Variants in MAP3K20 observed in about 807,000 individuals in gnomAD.
MAP3K20 encodes the protein HCCS-4.
Under a neutral mutation model 85.7 loss-of-function variants are expected in MAP3K20, and 40 were observed. The ratio of observed to expected loss-of-function variants is 0.47; its 90% confidence interval spans 0.36 to 0.61. The LOEUF is 0.61. MAP3K20 is among the 20% of genes least tolerant of loss of function. The pLI is 0.00. For missense variants in MAP3K20, 817 were observed against 961.7 expected, an observed-to-expected ratio of 0.85 and a Z score of 1.99; for synonymous variants, 325 against 327.7, an observed-to-expected ratio of 0.99 and a Z score of 0.09.
In MAP3K20 at chr2:173,209,396, A is replaced by T. The variant is rs57152825; in HGVS notation, c.745-333A>T. Among the ~76,000 whole-genome samples the T allele has an allele frequency of 9.0e-3, 1,368 of 152,332 alleles. 22 individuals are homozygous for T. The highest frequency in any genetic ancestry group is 0.029 in the African/African-American group (1,216 of 41,556). On this transcript the variant is annotated intron_variant, in intron 9 of 19. Coordinates refer to ENST00000375213, the MANE Select transcript of MAP3K20 (RefSeq NM_016653.3). ...CTGGCTTTATCACGGAGATTTTTAA[A>T]GGACTTCACTGTTTCCTTTTAGGAG...
At chr2:173,076,475 C>G (rs879031712) in intron 1 of MAP3K20, among the ~76,000 whole-genome samples, 1 of 152,176 alleles carries the variant, frequency 6.6e-6, no homozygotes, top group Admixed American at 6.5e-5. Context: ...CAGGCCACTT[C>G]CCAGCACTCG....
chr2:173,259,193 G>C (rs546317928), intron 17 of MAP3K20, among the ~76,000 whole-genome samples: 2 of 152,056 alleles, frequency 1.3e-5, no homozygotes, highest in African/African-American at 4.8e-5. Flanking sequence ...GACTTTCTTG[G>C]TTGAGGTCAA....
At chr2:173,196,976 A>G (rs1248907134) in intron 7 of MAP3K20, among the ~76,000 whole-genome samples, 1 of 151,930 alleles carries the variant, frequency 6.6e-6, no homozygotes, top group African/African-American at 2.4e-5. Context: ...TTAACTTTTT[A>G]AATAGTTACC....
chr2:173,091,044 G>C lies in MAP3K20; in HGVS notation c.13G>C (p.Gly5Arg). The change falls in exon 2 of 20, where the codon GGT becomes CGT. Residue 5 changes from glycine (G) to arginine (R), a missense_variant. By Grantham distance (125) the Gly-to-Arg change is moderately radical. Transcript: ENST00000375213. The part of the protein sequence containing the change: MSSL[G>R]ASFVQIKFDD... ...TTGTCATTATGAGATGTCGTCTCTCGGTGCCTCCTTTGTGCAAATTAAATT... is the reference window on the plus strand; with the variant it reads ...TTGTCATTATGAGATGTCGTCTCTCCGTGCCTCCTTTGTGCAAATTAAATT... The C allele has an allele frequency of 6.2e-7, 1 of 1,612,152 alleles. No homozygotes were observed. Among genetic ancestry groups the C allele is most frequent in the Non-Finnish European group, 8.5e-7 (1 of 1,179,280 alleles).
At chr2:173,204,813 TAAAA>T (rs1275896427) in intron 9 of MAP3K20, among the ~76,000 whole-genome samples, 1 of 151,992 alleles carries the variant, frequency 6.6e-6, no homozygotes, top group Non-Finnish European at 1.5e-5. Context: ...AGTTAAAAAA[TAAAA>T]AATAGGCTGG....
Position 173,198,322 on chromosome 2 carries a change from A to G in MAP3K20, c.669+210A>G. ...TTGCAGCTTCACGTCGTGATGCTGT[A>G]GATCAAAAATTGTACAAGTACTGTA... On this transcript the variant is annotated intron_variant, in intron 8 of 19. Coordinates refer to ENST00000375213, the MANE Select transcript of MAP3K20 (RefSeq NM_016653.3). This position sits in a 1 kb window ranked among gnomAD's most constrained non-coding sequence, Gnocchi z 5.8. The G allele has an allele frequency of 2.6e-6, 1 of 381,244 alleles. No homozygotes were observed. Among genetic ancestry groups the G allele is most frequent in the South Asian group, 3.1e-5 (1 of 31,806 alleles). 23.6% of individuals were successfully genotyped at this position (381,244 alleles called of 1,614,324 possible).
intron 2 of MAP3K20, among the ~76,000 whole-genome samples, chr2:173,134,428 A>ATATATATTT (rs56330241): frequency 3.2e-4 from 1 of 3,156 alleles, no homozygotes; most frequent in East Asian, 4.5e-3. Flanking sequence ...ATATATATAT[A>ATATATATTT]TTTTTTTTTT....
chr2:173,198,112 G>A lies in MAP3K20; in HGVS notation c.669G>A (p.Glu223=). The part of the protein sequence containing the change: ...QVAWLVVEKN[E]RLTIPSSCPR... ...CTTGGCTTGTAGTGGAAAAAAACGA[G>A]GTAAGACTACGTTTCTCCATTCAGG... Residue 223 remains glutamate, a splice_region_variant and synonymous_variant, in exon 8 of 20, where the codon GAG becomes GAA. Coordinates refer to ENST00000375213, the MANE Select transcript of MAP3K20 (RefSeq NM_016653.3). The surrounding 1 kb of genome is among the most constrained non-coding windows in gnomAD (Gnocchi z 5.8). 1 of 1,611,804 alleles carries A rather than the reference G, an allele frequency of 6.2e-7. No homozygotes were observed. The highest frequency in any genetic ancestry group is 8.5e-7 in the Non-Finnish European group (1 of 1,178,572).
intron 5 of MAP3K20, among the ~76,000 whole-genome samples, chr2:173,188,704 CCTGT>C: frequency 6.6e-6 from 1 of 152,090 alleles, no homozygotes; most frequent in Non-Finnish European, 1.5e-5. Context: ...CCAATTTAAC[CCTGT>C]CTGATTGTCC....
chr2:173,134,414 A>T (rs1465984818), intron 2 of MAP3K20, among the ~76,000 whole-genome samples: 201 of 6,094 alleles, frequency 0.033, 12 homozygotes, highest in Non-Finnish European at 0.058. Context: ...ATATATATAT[A>T]TATATATATA....
chr2:173,237,449 A>C (rs923177509), intron 14 of MAP3K20, among the ~76,000 whole-genome samples: 1 of 152,138 alleles, frequency 6.6e-6, no homozygotes, highest in Non-Finnish European at 1.5e-5. Flanking sequence ...CTGAACACCC[A>C]ATAAGTGTTC....
intron 2 of MAP3K20, among the ~76,000 whole-genome samples, chr2:173,098,038 A>G (rs994703109): frequency 6.6e-6 from 1 of 152,152 alleles, no homozygotes; most frequent in African/African-American, 2.4e-5. Context: ...TGTAAGTGCT[A>G]TTTTAAATAT....
chr2:173,188,737 C>T (rs1045765469), intron 5 of MAP3K20, among the ~76,000 whole-genome samples: 1 of 152,100 alleles, frequency 6.6e-6, no homozygotes, highest in Non-Finnish European at 1.5e-5. Flanking sequence ...TCTAGGTTAT[C>T]ATGTATTCTT....
intron 16 of MAP3K20, among the ~76,000 whole-genome samples, 178 bp from the exon 17 acceptor site, chr2:173,258,521 G>A (rs1372144680): frequency 1.3e-5 from 2 of 151,180 alleles, no homozygotes; most frequent in African/African-American, 2.4e-5. Flanking sequence ...TGCACTAACT[G>A]GGGCTTATTT....
intron 2 of MAP3K20, among the ~76,000 whole-genome samples, chr2:173,158,357 T>C (rs952991183): frequency 2.0e-5 from 3 of 152,104 alleles, no homozygotes; most frequent in African/African-American, 7.2e-5. Flanking sequence ...GGGAGGAGAA[T>C]ATATAAAAAG....
intron 11 of MAP3K20, chr2:173,225,971 T>G (rs958838166): frequency 1.6e-5 from 16 of 984,902 alleles, no homozygotes; most frequent in Non-Finnish European, 1.8e-5. Flanking sequence ...ATTTAAAGCC[T>G]CCTTTTTCTA....
chr2:173,162,359 G>T (rs989884288), intron 2 of MAP3K20, among the ~76,000 whole-genome samples: 5 of 151,988 alleles, frequency 3.3e-5, no homozygotes, highest in African/African-American at 1.2e-4. Context: ...TTCTCTTACT[G>T]CCACACTCTG....
At chr2:173,092,259 T>G (rs1687322737) in intron 2 of MAP3K20, among the ~76,000 whole-genome samples, 1 of 152,148 alleles carries the variant, frequency 6.6e-6, no homozygotes, top group Non-Finnish European at 1.5e-5. Flanking sequence ...TGGAAGACAT[T>G]AAGAAAGGAG....
At chr2:173,108,203 T>A (rs928089878) in intron 2 of MAP3K20, among the ~76,000 whole-genome samples, 14 of 151,998 alleles carry the variant, frequency 9.2e-5, no homozygotes, top group African/African-American at 3.4e-4. Flanking sequence ...AATGGCGTGA[T>A]CTCACCGCAA....
Sources: gnomAD v4.1 joint callset for allele counts (sites outside exome capture counted in the v4.1 genomes callset) on GRCh38, gnomAD v4.1.1 for gene constraint, Gnocchi (gnomAD v3.1) non-coding constraint, MANE v1.5 for transcripts, NCBI Gene and HGNC (gene_info 2026-07-23, HGNC 2026-07-21) for gene names.